Variants in COL25A1 observed in about 807,000 individuals in gnomAD.
COL25A1 encodes collagen alpha-1(XXV) chain.
A neutral mutation model predicts 128.4 loss-of-function variants in COL25A1; 103 were observed. That is an observed-to-expected ratio of 0.80 (90% CI 0.68 to 0.94). The LOEUF is 0.94. Ranked by LOEUF, COL25A1 falls within the 40% of genes least tolerant of loss-of-function variation. The probability of loss-of-function intolerance (pLI) is 0.00; values close to 1 mark genes in which losing one functional copy is unlikely to be tolerated. For synonymous variants in COL25A1, 279 were observed against 277.2 expected (o/e 1.01, Z -0.06); for missense variants, 745 against 840.0 (o/e 0.89, Z 1.40).
At chr4:109,055,149 C>T (rs1323041561) in intron 3 of COL25A1, among the ~76,000 whole-genome samples, 2 of 152,280 alleles carry the variant, frequency 1.3e-5, no homozygotes, top group South Asian at 2.1e-4. Flanking sequence ...TGGACCAAAG[C>T]GTTTCATTCC....
intron 3 of COL25A1, among the ~76,000 whole-genome samples, chr4:109,247,510 C>G (rs1360567834): frequency 6.6e-6 from 1 of 152,162 alleles, no homozygotes; most frequent in Non-Finnish European, 1.5e-5. Context: ...AGCCTACAGT[C>G]ACTTGGGCCT....
At chr4:109,301,147 A>C (rs771277053) in intron 2 of COL25A1, among the ~76,000 whole-genome samples, 2 of 152,060 alleles carry the variant, frequency 1.3e-5, no homozygotes, top group Non-Finnish European at 2.9e-5. Context: ...TCAACTCTCA[A>C]TTCCAAGGGC....
rs752620759 is a variant in COL25A1 at position 108,884,169 on chromosome 4, A to C, written c.1020+9T>G. ...TCTGTGAAGCCGAGACTGTCCGTGCAGTATTTACCTTTATCCCCGGAAGTC... is the reference window on the plus strand; with the variant it reads ...TCTGTGAAGCCGAGACTGTCCGTGCCGTATTTACCTTTATCCCCGGAAGTC... On this transcript the variant is annotated intron_variant, in intron 19 of 37. Coordinates refer to ENST00000399132, the MANE Select transcript of COL25A1 (RefSeq NM_198721.4). 47 of 1,613,588 alleles carry C rather than the reference A, an allele frequency of 2.9e-5. No homozygotes were observed. Among genetic ancestry groups the C allele is most frequent in the Non-Finnish European group, 3.8e-5 (45 of 1,179,648 alleles).
intron 3 of COL25A1, among the ~76,000 whole-genome samples, chr4:109,117,749 G>A (rs1370526525): frequency 6.6e-6 from 1 of 151,846 alleles, no homozygotes; most frequent in Non-Finnish European, 1.5e-5. Context: ...AATGATACAA[G>A]AGATGGAAGA....
chr4:108,960,417 G>T (rs1750553768), intron 8 of COL25A1, among the ~76,000 whole-genome samples: 1 of 152,042 alleles, frequency 6.6e-6, no homozygotes, highest in Non-Finnish European at 1.5e-5. Context: ...TGTTACCAAA[G>T]ACAAAATACA....
chr4:108,848,879 G>A (rs1442724444), intron 26 of COL25A1, 76 bp from the exon 27 acceptor site: 1 of 1,082,028 alleles, frequency 9.2e-7, no homozygotes, highest in Non-Finnish European at 1.4e-6. Flanking sequence ...AACGATGCTA[G>A]TTTGTTAACA....
chr4:108,835,859 G>GTTTTTTTTTTTTTTTTTTTTTT (rs1560721327), intron 31 of COL25A1, among the ~76,000 whole-genome samples: 1 of 89,518 alleles, frequency 1.1e-5, no homozygotes, highest in Non-Finnish European at 2.1e-5. Flanking sequence ...GCTTACATAC[G>GTTTTTTTTTTTTTTTTTTTTTT]TCTTTTTTTT....
At chr4:108,885,661 A>G (rs1410873844) in intron 18 of COL25A1, among the ~76,000 whole-genome samples, 2 of 152,208 alleles carry the variant, frequency 1.3e-5, no homozygotes, top group Non-Finnish European at 2.9e-5. Flanking sequence ...AAGAGCTTGT[A>G]CATATTTTTT....
At chr4:108,872,147 G>A (rs1054651159) in intron 19 of COL25A1, among the ~76,000 whole-genome samples, 15 of 152,152 alleles carry the variant, frequency 9.9e-5, no homozygotes, top group African/African-American at 3.4e-4. Context: ...AGGCGTGGTG[G>A]CTCATGTTTT....
chr4:109,155,832 A>G (rs1350627231), intron 3 of COL25A1, among the ~76,000 whole-genome samples: 3 of 152,256 alleles, frequency 2.0e-5, no homozygotes, highest in Non-Finnish European at 2.9e-5. Context: ...ATAAACAAGA[A>G]AATTAGCCAA....
intron 3 of COL25A1, among the ~76,000 whole-genome samples, chr4:109,246,402 G>C (rs942759742): frequency 6.6e-6 from 1 of 152,082 alleles, no homozygotes; most frequent in Non-Finnish European, 1.5e-5. Flanking sequence ...ATGAAATTCT[G>C]ACCTTGGATA....
In COL25A1 at chr4:108,808,771, ATTGT is replaced by A. The variant is rs541693434; in HGVS notation, c.*5152_*5155del. 6 of 152,324 alleles carry A rather than the reference ATTGT, an allele frequency of 3.9e-5. No individual in the cohort carries two copies. The South Asian group carries it at 1.0e-3, about 26-fold the overall frequency. The allele number at this position is 152,324 out of a possible 1,614,324, so 9.4% of individuals were successfully genotyped here. ...CTTTATAACAATACAATTCATTATC[ATTGT>A]TTGGATTAATATTGTAATAATTACA... is the stretch of plus-strand genomic sequence containing the variant. On this transcript the variant is annotated 3_prime_UTR_variant, in exon 38 of 38. Transcript: ENST00000399132.
chr4:109,111,989 T>A (rs1767065523), intron 3 of COL25A1, among the ~76,000 whole-genome samples: 1 of 152,160 alleles, frequency 6.6e-6, no homozygotes, highest in African/African-American at 2.4e-5. Flanking sequence ...ACGTTTAATC[T>A]AAGATTAAAT....
intron 13 of COL25A1, among the ~76,000 whole-genome samples, chr4:108,906,026 A>G (rs1743469285): frequency 2.0e-5 from 3 of 152,146 alleles, no homozygotes; most frequent in African/African-American, 7.2e-5. Flanking sequence ...CTAGGGACCA[A>G]CTAACGGAGT....
intron 8 of COL25A1, among the ~76,000 whole-genome samples, chr4:108,966,240 T>C (rs1751278937): frequency 7.0e-6 from 1 of 141,850 alleles, no homozygotes; most frequent in Non-Finnish European, 1.5e-5. Context: ...GGTATTACTA[T>C]ATGGCCATTC....
intron 6 of COL25A1, among the ~76,000 whole-genome samples, chr4:108,986,884 T>C (rs1753710066): frequency 6.6e-6 from 1 of 152,154 alleles, no homozygotes; most frequent in South Asian, 2.1e-4. Flanking sequence ...TTTGTAAATA[T>C]AACAACATAA....
At chr4:108,956,141 T>C (rs1341745786) in intron 8 of COL25A1, among the ~76,000 whole-genome samples, 1 of 152,168 alleles carries the variant, frequency 6.6e-6, no homozygotes, top group Non-Finnish European at 1.5e-5. Context: ...AAAAGGATTG[T>C]TGGTGAAAAT....
chr4:109,217,820 C>A (rs115204428), intron 3 of COL25A1, among the ~76,000 whole-genome samples: 1 of 152,118 alleles, frequency 6.6e-6, no homozygotes, highest in Non-Finnish European at 1.5e-5. Context: ...TGAGTTTAGT[C>A]AATAACAACA....
Position 109,143,415 on chromosome 4 carries a change from GGT to G in COL25A1, c.368-93238_368-93237del, listed in dbSNP as rs201189204. On this transcript the variant is annotated intron_variant, in intron 3 of 37. Coordinates refer to ENST00000399132, the MANE Select transcript of COL25A1 (RefSeq NM_198721.4). Reference sequence around the variant, plus strand: ...TGATCTTCTCGAGGAGTATCTTTGTGGTGTTCTCTGTATTTCCTGAATTTGAA... The same window carrying G: ...TGATCTTCTCGAGGAGTATCTTTGTGGTTCTCTGTATTTCCTGAATTTGAA... Among the ~76,000 whole-genome samples the G allele has an allele frequency of 7.6e-3, 1,161 of 152,158 alleles. 7 individuals are homozygous for G. Among genetic ancestry groups the G allele is most frequent in the African/African-American group, 0.027 (1,113 of 41,496 alleles).
Sources: allele counts gnomAD v4.1 joint callset (sites outside exome capture counted in the v4.1 genomes callset), GRCh38; gene constraint gnomAD v4.1.1; transcripts MANE v1.5; gene names NCBI Gene and HGNC (gene_info 2026-07-23, HGNC 2026-07-21).